The following ACOT12 variants were observed in gnomAD, a reference collection of about 807,000 sequenced individuals.
ACOT12 encodes the protein acetyl-coenzyme A thioesterase.
ACOT12 carries 51 observed loss-of-function variants against 67.7 expected under a neutral mutation model. The ratio of observed to expected loss-of-function variants is 0.75; its 90% CI spans 0.60 to 0.95. The LOEUF (loss-of-function observed/expected upper bound fraction) is 0.95, where lower values mean the gene tolerates loss of function less well. Ranked by LOEUF, ACOT12 falls within the 40% of genes least tolerant of loss-of-function variation. The pLI, the probability that ACOT12 is intolerant of heterozygous loss-of-function variation, is 0.00. For missense variants in ACOT12, 734 were observed against 708.1 expected (o/e 1.04, Z -0.41); for synonymous variants, 251 against 244.6 (o/e 1.03, Z -0.24).
chr5:81,345,081 T>C (rs2153849125), intron 7 of ACOT12, 40 bp from the exon 8 acceptor site: 1 of 1,610,092 alleles, frequency 6.2e-7, no homozygotes, highest in Non-Finnish European at 8.5e-7. Context: ...AAGAGGATCT[T>C]GACCCATCAG....
At chr5:81,373,108 T>C (rs1343511626) in intron 2 of ACOT12, among the ~76,000 whole-genome samples, 2 of 152,244 alleles carry the variant, frequency 1.3e-5, no homozygotes, top group Non-Finnish European at 2.9e-5. Flanking sequence ...AGTCTGCAGC[T>C]ATCAGCGAGA....
intron 3 of ACOT12, among the ~76,000 whole-genome samples, chr5:81,371,271 G>C (rs1760240875): frequency 6.6e-6 from 1 of 151,992 alleles, no homozygotes; most frequent in Non-Finnish European, 1.5e-5. Context: ...TGTTTCTTAA[G>C]AGACAAAGTC....
intron 5 of ACOT12, among the ~76,000 whole-genome samples, chr5:81,352,765 C>G (rs913086789): frequency 1.4e-4 from 22 of 152,102 alleles, no homozygotes; most frequent in African/African-American, 4.6e-4. Context: ...GTTTGTCACA[C>G]TTGAAGGAGT....
chr5:81,331,309 A>T (rs776831725), intron 13 of ACOT12, among the ~76,000 whole-genome samples: 10 of 152,190 alleles, frequency 6.6e-5, no homozygotes, highest in Non-Finnish European at 1.3e-4. Context: ...AGGCTGAGGC[A>T]GGCAGATCAC....
chr5:81,310,157 TAAAAAA>T, the ACOT12 span, among the ~76,000 whole-genome samples: 4 of 104,772 alleles, frequency 3.8e-5, no homozygotes, highest in African/African-American at 1.6e-4. Context: ...TGACTAGCTG[TAAAAAA>T]AAAAAAAAAA....
intron 5 of ACOT12, among the ~76,000 whole-genome samples, chr5:81,354,728 G>A (rs1759657013): frequency 6.7e-6 from 1 of 150,100 alleles, no homozygotes; most frequent in African/African-American, 2.5e-5. Context: ...TTTTGAGTCA[G>A]AATCTGGCTC....
the ACOT12 span, among the ~76,000 whole-genome samples, chr5:81,319,547 G>A: frequency 2.6e-5 from 4 of 151,994 alleles, no homozygotes; most frequent in East Asian, 1.9e-4. Context: ...GAGAAACCCC[G>A]TATCTACTAA....
At chr5:81,333,212 T>C (rs891999692) in intron 12 of ACOT12, among the ~76,000 whole-genome samples, 1 of 152,214 alleles carries the variant, frequency 6.6e-6, no homozygotes, top group African/African-American at 2.4e-5. Flanking sequence ...TGAGCTGTTT[T>C]ACACAAAATT....
intron 2 of ACOT12, among the ~76,000 whole-genome samples, chr5:81,381,068 CT>C (rs754165884): frequency 3.1e-3 from 435 of 141,876 alleles, no homozygotes; most frequent in Middle Eastern, 3.6e-3. Context: ...GTATTAAAAC[CT>C]TTTTTTTTTT....
At chr5:81,392,213 G>C (rs987199949) in intron 1 of ACOT12, among the ~76,000 whole-genome samples, 2 of 152,166 alleles carry the variant, frequency 1.3e-5, no homozygotes, top group Non-Finnish European at 2.9e-5. Flanking sequence ...TGGCTAAAGA[G>C]ATAATGCTGG....
the ACOT12 span, among the ~76,000 whole-genome samples, chr5:81,319,340 A>G: frequency 6.6e-6 from 1 of 152,250 alleles, no homozygotes; most frequent in African/African-American, 2.4e-5. Flanking sequence ...TTTAAAGTGT[A>G]TAATTCAATG....
chr5:81,320,965 T>C, the ACOT12 span, among the ~76,000 whole-genome samples: 1 of 152,150 alleles, frequency 6.6e-6, no homozygotes, highest in African/African-American at 2.4e-5. Flanking sequence ...CAATAGATAG[T>C]GCCTTCTTGG....
chr5:81,380,585 A>G (rs2153858422), intron 2 of ACOT12, among the ~76,000 whole-genome samples: 1 of 148,754 alleles, frequency 6.7e-6, no homozygotes, highest in African/African-American at 2.5e-5. Flanking sequence ...AAAAAAGAAA[A>G]GAAATCTATC....
In ACOT12 at chr5:81,345,947, TC is replaced by T. The variant is rs1759367261; in HGVS notation, c.710del (p.Gly237AspfsTer89). 2 of 1,613,936 alleles carry T rather than the reference TC, an allele frequency of 1.2e-6. No homozygotes were observed. The highest frequency in any genetic ancestry group is 1.3e-5 in the African/African-American group (1 of 75,000). On this transcript the variant is annotated frameshift_variant, in exon 7 of 15. Coordinates refer to ENST00000307624, the MANE Select transcript of ACOT12 (RefSeq NM_130767.3). LOFTEE classifies it high-confidence loss of function. ...CAAGACGATCTCCAACTGTAGATGG[TC>T]CCCGGAACTTAAACATATCTACGGA... The part of the protein sequence containing the change: ...LKSVDMFKFR[G>X]PSTVGDRLVF...
rs191437389 is a variant in ACOT12 at position 81,356,463 on chromosome 5, A to G, written c.496+3440T>C. 3.4e-3 allele frequency among the ~76,000 whole-genome samples: 518 copies of G among 152,184 alleles called. 5 individuals are homozygous for G. Among genetic ancestry groups the G allele is most frequent in the African/African-American group, 0.012 (488 of 41,492 alleles). On this transcript the variant is annotated intron_variant, in intron 5 of 14. Transcript: ENST00000307624. Reference sequence around the variant, plus strand: ...GCTTTGCAGGTTCTGTTCTTGGCCCAGCACCCTGTGGGCTGCAGGTTGTCT... The same window carrying G: ...GCTTTGCAGGTTCTGTTCTTGGCCCGGCACCCTGTGGGCTGCAGGTTGTCT...
intron 1 of ACOT12, among the ~76,000 whole-genome samples, chr5:81,393,570 A>C (rs1760918228): frequency 6.6e-6 from 1 of 152,080 alleles, no homozygotes; most frequent in Non-Finnish European, 1.5e-5. Context: ...TCCCAAAGTC[A>C]GCTGGGCCTG....
chr5:81,381,734 G>C (rs1760590055), intron 2 of ACOT12, among the ~76,000 whole-genome samples: 1 of 152,140 alleles, frequency 6.6e-6, no homozygotes, highest in South Asian at 2.1e-4. Flanking sequence ...CTGTTTTCCA[G>C]ATTTGACTCT....
chr5:81,367,345 C>T (rs1580573948), intron 3 of ACOT12, among the ~76,000 whole-genome samples: 1 of 152,154 alleles, frequency 6.6e-6, no homozygotes, highest in Non-Finnish European at 1.5e-5. Flanking sequence ...CTGTTTAAAA[C>T]ATAAATAATA....
chr5:81,343,631 G>A (rs1759274566), intron 10 of ACOT12, among the ~76,000 whole-genome samples, 187 bp downstream of exon 10: 1 of 152,196 alleles, frequency 6.6e-6, no homozygotes, highest in Non-Finnish European at 1.5e-5. Context: ...GTCAAACAAG[G>A]CTAAACTGCC....
Sources: gnomAD v4.1 joint callset for allele counts (sites outside exome capture counted in the v4.1 genomes callset) on GRCh38, gnomAD v4.1.1 for gene constraint, MANE v1.5 for transcripts, NCBI Gene and HGNC (gene_info 2026-07-23, HGNC 2026-07-21) for gene names.